Variants in MGAT4C observed in about 807,000 individuals in gnomAD.
MGAT4C encodes alpha-1,3-mannosyl-glycoprotein 4-beta-N-acetylglucosaminyltransferase C.
MGAT4C carries 19 observed loss-of-function variants against 40.1 expected under a neutral mutation model. The ratio of observed to expected loss-of-function variants is 0.47; its 90% CI spans 0.33 to 0.70. The LOEUF (loss-of-function observed/expected upper bound fraction) is 0.70. Among genes scored for constraint, MGAT4C ranks in the 30% least tolerant of loss-of-function variants. The probability of loss-of-function intolerance (pLI) is 0.02; values close to 1 mark genes in which losing one functional copy is unlikely to be tolerated. For synonymous variants in MGAT4C, 181 were observed against 187.1 expected (o/e 0.97, Z 0.27); for missense variants, 491 against 563.2 (o/e 0.87, Z 1.30).
At chr12:86,789,076 G>C (rs1041277022) in intron 1 of MGAT4C, among the ~76,000 whole-genome samples, 1 of 152,032 alleles carries the variant, frequency 6.6e-6, no homozygotes, top group Non-Finnish European at 1.5e-5. Context: ...AAAGTAGGAA[G>C]GACTCAGGAT....
At chr12:86,746,978 T>C (rs1165850450) in intron 1 of MGAT4C, among the ~76,000 whole-genome samples, 1 of 151,656 alleles carries the variant, frequency 6.6e-6, no homozygotes, top group African/African-American at 2.4e-5. Flanking sequence ...TTCCATCCTC[T>C]GATGTACTTA....
intron 2 of MGAT4C, among the ~76,000 whole-genome samples, chr12:86,570,927 C>T (rs1960337629): frequency 6.6e-6 from 1 of 152,076 alleles, no homozygotes; most frequent in African/African-American, 2.4e-5. Context: ...GATTCTCATG[C>T]CTCAAACTCC....
intron 1 of MGAT4C, among the ~76,000 whole-genome samples, chr12:86,762,315 C>G (rs992175019): frequency 6.6e-6 from 1 of 152,174 alleles, no homozygotes; most frequent in South Asian, 2.1e-4. Context: ...CCTCCCAAAA[C>G]TCTGGGATTA....
At chr12:85,995,928 A>G (rs1886573861) in intron 2 of MGAT4C, among the ~76,000 whole-genome samples, 1 of 152,194 alleles carries the variant, frequency 6.6e-6, no homozygotes, top group African/African-American at 2.4e-5. Context: ...TATTTGGGCC[A>G]ATACTCTCTA....
intron 1 of MGAT4C, among the ~76,000 whole-genome samples, chr12:86,202,897 T>C (rs1208730238): frequency 6.6e-6 from 1 of 152,144 alleles, no homozygotes; most frequent in Non-Finnish European, 1.5e-5. Flanking sequence ...TTTTATTTAC[T>C]TTCCTTAAAT....
chr12:86,250,759 T>C (rs1952241188), intron 1 of MGAT4C, among the ~76,000 whole-genome samples: 1 of 152,130 alleles, frequency 6.6e-6, no homozygotes, highest in African/African-American at 2.4e-5. Flanking sequence ...TCATTTTTTA[T>C]CTTACAATAG....
chr12:86,383,596 G>A (rs919952037), intron 3 of MGAT4C, among the ~76,000 whole-genome samples: 23 of 143,534 alleles, frequency 1.6e-4, no homozygotes, highest in Admixed American at 7.1e-4. Flanking sequence ...ATATTTGACT[G>A]CCCTTGAATT....
At chr12:86,184,888 TC>T (rs1405057911) in intron 1 of MGAT4C, among the ~76,000 whole-genome samples, 1 of 152,160 alleles carries the variant, frequency 6.6e-6, no homozygotes, top group African/African-American at 2.4e-5. Flanking sequence ...GGGCCAGTTT[TC>T]AGAAAAAAAT....
At chr12:86,246,376 A>G (rs1399132912) in intron 1 of MGAT4C, among the ~76,000 whole-genome samples, 1 of 151,876 alleles carries the variant, frequency 6.6e-6, no homozygotes, top group East Asian at 1.9e-4. Context: ...CCTTCTAGAG[A>G]GTCTAGGTCT....
At chr12:86,047,223 T>A (rs1265914193) in intron 2 of MGAT4C, among the ~76,000 whole-genome samples, 14 of 152,160 alleles carry the variant, frequency 9.2e-5, no homozygotes, top group Non-Finnish European at 1.5e-5. Context: ...ATCACTATAA[T>A]TTTTTCTTCG....
intron 4 of MGAT4C, among the ~76,000 whole-genome samples, chr12:86,294,561 T>C (rs1215725264): frequency 6.6e-6 from 1 of 152,212 alleles, no homozygotes; most frequent in East Asian, 1.9e-4. Flanking sequence ...TTTATTCAAC[T>C]GTACTTTCTC....
chr12:86,773,683 T>G (rs1191746734), intron 1 of MGAT4C, among the ~76,000 whole-genome samples: 1 of 152,072 alleles, frequency 6.6e-6, no homozygotes, highest in African/African-American at 2.4e-5. Flanking sequence ...TTTATATTCA[T>G]ATCTCTTAAC....
intron 2 of MGAT4C, among the ~76,000 whole-genome samples, chr12:86,653,425 T>G (rs1014243132): frequency 1.3e-5 from 2 of 151,942 alleles, no homozygotes; most frequent in Non-Finnish European, 2.9e-5. Flanking sequence ...CAGAGCTTTA[T>G]TCTATGGAAA....
At chr12:86,470,875 T>G (rs1357259432) in intron 2 of MGAT4C, among the ~76,000 whole-genome samples, 1 of 152,116 alleles carries the variant, frequency 6.6e-6, no homozygotes, top group Admixed American at 6.6e-5. Flanking sequence ...ACTTCCTTTA[T>G]ATTATTCTTA....
chr12:86,180,218 T>C (rs1887958611), intron 1 of MGAT4C, among the ~76,000 whole-genome samples: 1 of 152,254 alleles, frequency 6.6e-6, no homozygotes, highest in African/African-American at 2.4e-5. Flanking sequence ...AGTCAAGAAT[T>C]GAGGTTTGAG....
At chr12:86,811,713 GTTTTC>G (rs1375185505) in intron 1 of MGAT4C, among the ~76,000 whole-genome samples, 5 of 151,070 alleles carry the variant, frequency 3.3e-5, no homozygotes, top group Admixed American at 6.6e-5. Context: ...GACAATTTGT[GTTTTC>G]TTTTATTATT....
chr12:86,720,693 A>C (rs1240807158), intron 2 of MGAT4C, among the ~76,000 whole-genome samples: 1 of 152,168 alleles, frequency 6.6e-6, no homozygotes, highest in African/African-American at 2.4e-5. Flanking sequence ...TTACGACCTT[A>C]AGGCACTCAT....
In MGAT4C at chr12:86,070,766, T is replaced by C. The variant is rs140509230; in HGVS notation, c.-56-21043A>G. ...ACAGAGTAGTAACCTTTCCAACAGG[T>C]CCATGAGCAATCAGATTCACAATTC... On this transcript the variant is annotated intron_variant, in intron 1 of 4. Transcript: ENST00000611864. Among the ~76,000 whole-genome samples the C allele has an allele frequency of 1.6e-3, 242 of 152,144 alleles. 1 individual carries two copies. In the East Asian group the frequency reaches 0.027, roughly 17 times the overall value.
intron 1 of MGAT4C, among the ~76,000 whole-genome samples, chr12:86,240,735 C>T (rs911895837): frequency 1.3e-5 from 2 of 151,872 alleles, no homozygotes; most frequent in African/African-American, 4.8e-5. Context: ...ATTTTTATTG[C>T]CTAGAATAAC....
Sources: gnomAD v4.1 joint callset for allele counts (sites outside exome capture counted in the v4.1 genomes callset) on GRCh38, gnomAD v4.1.1 for gene constraint, MANE v1.5 for transcripts, NCBI Gene and HGNC (gene_info 2026-07-23, HGNC 2026-07-21) for gene names.